The following PNPT1 variants were observed in gnomAD, a reference collection of about 807,000 sequenced individuals.
The protein encoded by PNPT1 is polyribonucleotide nucleotidyltransferase 1, mitochondrial.
PNPT1 carries 53 observed loss-of-function variants against 119.5 expected under a neutral mutation model. The ratio of observed to expected loss-of-function variants is 0.44; its 90% CI spans 0.36 to 0.56. PNPT1 has a LOEUF of 0.56. Among genes scored for constraint, PNPT1 ranks in the 20% least tolerant of loss-of-function variants. The pLI, the probability that PNPT1 is intolerant of heterozygous loss-of-function variation, is 0.00. For missense variants in PNPT1, 948 were observed against 938.5 expected, an observed-to-expected ratio of 1.01 and a Z score of -0.13; for synonymous variants, 357 against 322.1, an observed-to-expected ratio of 1.11 and a Z score of -1.16.
At chr2:55,670,017 C>G (rs1696859062) in intron 11 of PNPT1, among the ~76,000 whole-genome samples, 1 of 151,978 alleles carries the variant, frequency 6.6e-6, no homozygotes, top group African/African-American at 2.4e-5. Context: ...CTTTGGCTTC[C>G]CAAAGTGCTG....
At chr2:55,657,845 T>C (rs902275177) in intron 15 of PNPT1, among the ~76,000 whole-genome samples, 3 of 51,962 alleles carry the variant, frequency 5.8e-5, no homozygotes, top group Admixed American at 6.6e-4. Flanking sequence ...GGGGCTTCAA[T>C]AGATAGACTG....
intron 11 of PNPT1, among the ~76,000 whole-genome samples, chr2:55,669,720 T>C (rs1696844898): frequency 6.6e-6 from 1 of 151,820 alleles, no homozygotes; most frequent in East Asian, 1.9e-4. Context: ...ACATATTCAA[T>C]GACAGTTACA....
At chr2:55,662,944 G>A (rs894182941) in intron 13 of PNPT1, among the ~76,000 whole-genome samples, 2 of 150,330 alleles carry the variant, frequency 1.3e-5, no homozygotes, top group Non-Finnish European at 2.9e-5. Context: ...ACAGTGGCAC[G>A]ATCTCGGCTC....
In PNPT1 at chr2:55,667,851, G is replaced by T. The variant is rs1439592927; in HGVS notation, c.1073+11C>A. On this transcript the variant is annotated intron_variant, in intron 12 of 27. Transcript: ENST00000447944. ...GCATACTTCAATTTCAACAAAAAAG[G>T]GTATGTTTACCTTTTGTATTCATTC... 3 of 1,593,576 alleles carry T rather than the reference G, an allele frequency of 1.9e-6. No individual in the cohort carries two copies. The highest frequency in any genetic ancestry group is 1.4e-5 in the African/African-American group (1 of 73,124).
chr2:55,652,963 T>A lies in PNPT1; in HGVS notation c.1495+1937A>T, dbSNP rs374629045. On this transcript the variant is annotated intron_variant, in intron 18 of 27. Transcript: ENST00000447944. ...CCTGGGTTAAAGTGATTCTCTTGAC[T>A]CAGCCTCCCAAGTAGCTGGGATTAC... is the stretch of plus-strand genomic sequence containing the variant. 6.9e-4 allele frequency among the ~76,000 whole-genome samples: 105 copies of A among 152,334 alleles called. 1 individual carries two copies. The South Asian group carries it at 0.02, about 29-fold the overall frequency.
At chr2:55,691,554 T>C (rs1697600449) in intron 1 of PNPT1, among the ~76,000 whole-genome samples, 1 of 152,172 alleles carries the variant, frequency 6.6e-6, no homozygotes, top group Admixed American at 6.5e-5. Flanking sequence ...AACAGGTTGA[T>C]TAATAAATGA....
At chr2:55,637,021 T>A (rs1351865347) in intron 27 of PNPT1, among the ~76,000 whole-genome samples, 1 of 152,206 alleles carries the variant, frequency 6.6e-6, no homozygotes, top group African/African-American at 2.4e-5. Flanking sequence ...ACTCAGGTCA[T>A]GCGTATTAGC....
In PNPT1 at chr2:55,667,973, CA is replaced by C; in HGVS notation, c.977-16del. 1 of 1,562,160 alleles carries C rather than the reference CA, an allele frequency of 6.4e-7. No individual in the cohort carries two copies. Among genetic ancestry groups the C allele is most frequent in the Non-Finnish European group, 8.6e-7 (1 of 1,160,318 alleles). The stretch of plus-strand genomic sequence containing the variant: ...TGGAAATTTTTCTATAGAAAAAAGA[CA>C]AACCAAAACAAAGATTTTTACTTTT... On this transcript the variant is annotated splice_polypyrimidine_tract_variant and intron_variant, in intron 11 of 27. Coordinates refer to ENST00000447944, the MANE Select transcript of PNPT1 (RefSeq NM_033109.5).
intron 8 of PNPT1, among the ~76,000 whole-genome samples, chr2:55,675,714 G>C (rs1317994456): frequency 6.6e-6 from 1 of 152,014 alleles, no homozygotes; most frequent in Non-Finnish European, 1.5e-5. Flanking sequence ...AAGAAAGAAA[G>C]AAAGAACACT....
chr2:55,669,584 G>C (rs1048946592), intron 11 of PNPT1, among the ~76,000 whole-genome samples: 1 of 152,146 alleles, frequency 6.6e-6, no homozygotes, highest in African/African-American at 2.4e-5. Context: ...TCAACCCAGA[G>C]GGTCGTGAAG....
At chr2:55,660,337 T>A in intron 14 of PNPT1, 144 bp from the exon 15 acceptor site, 1 of 812,426 alleles carries the variant, frequency 1.2e-6, no homozygotes, top group Non-Finnish European at 1.8e-6. Context: ...ACCAAAGAAT[T>A]AATTAGAAGG....
At chr2:55,673,779 C>A (rs541507923) in intron 8 of PNPT1, among the ~76,000 whole-genome samples, 3 of 151,960 alleles carry the variant, frequency 2.0e-5, no homozygotes, top group East Asian at 3.9e-4. Flanking sequence ...ATATGTATGT[C>A]CTTTTCTGTG....
intron 8 of PNPT1, among the ~76,000 whole-genome samples, chr2:55,679,324 ACTT>A (rs1232600094): frequency 1.3e-5 from 2 of 152,182 alleles, no homozygotes; most frequent in Non-Finnish European, 2.9e-5. Context: ...CAGACTTAGA[ACTT>A]CTATTTTTAA....
chr2:55,644,215 A>G (rs775404341), intron 23 of PNPT1, among the ~76,000 whole-genome samples: 1 of 152,218 alleles, frequency 6.6e-6, no homozygotes, highest in Non-Finnish European at 1.5e-5. Context: ...ACCTTGAAGT[A>G]CGAGGTAATT....
At chr2:55,682,697 C>G (rs1250268131) in intron 5 of PNPT1, among the ~76,000 whole-genome samples, 1 of 151,972 alleles carries the variant, frequency 6.6e-6, no homozygotes, top group East Asian at 1.9e-4. Context: ...CGCTTGAGAG[C>G]AGGAGTTCAA....
At chr2:55,636,447 A>C in intron 27 of PNPT1, 55 bp from the exon 28 acceptor site, 1 of 1,547,050 alleles carries the variant, frequency 6.5e-7, no homozygotes, top group South Asian at 1.2e-5. Context: ...AGTGACATCT[A>C]AACTAATAGA....
chr2:55,651,746 G>C (rs1464930319), intron 18 of PNPT1, among the ~76,000 whole-genome samples: 28 of 140,798 alleles, frequency 2.0e-4, no homozygotes, highest in African/African-American at 6.9e-4. Context: ...ATCCCCCTCT[G>C]TGAGAAACAC....
intron 5 of PNPT1, 89 bp downstream of exon 5, chr2:55,683,696 T>G: frequency 1.6e-6 from 2 of 1,224,878 alleles, no homozygotes; most frequent in South Asian, 2.8e-5. Context: ...CTTATGTTCT[T>G]TATAATGTTT....
chr2:55,665,621 C>G (rs1696708605), intron 13 of PNPT1, among the ~76,000 whole-genome samples: 2 of 152,166 alleles, frequency 1.3e-5, no homozygotes, highest in African/African-American at 4.8e-5. Context: ...GCAAGGCCAC[C>G]ACACTGCACA....
Sources: allele counts gnomAD v4.1 joint callset (sites outside exome capture counted in the v4.1 genomes callset), GRCh38; gene constraint gnomAD v4.1.1; transcripts MANE v1.5; gene names NCBI Gene and HGNC (gene_info 2026-07-23, HGNC 2026-07-21).